The following TRAK1 variants were observed in gnomAD, a reference collection of about 807,000 sequenced individuals.
TRAK1 encodes the protein trafficking kinesin-binding protein 1.
A neutral mutation model predicts 92.1 loss-of-function variants in TRAK1; 33 were observed. That is an observed-to-expected ratio of 0.36 (90% CI 0.27 to 0.48). TRAK1 has a LOEUF of 0.48. Among genes scored for constraint, TRAK1 ranks in the 20% least tolerant of loss-of-function variants. The pLI, the probability that TRAK1 is intolerant of heterozygous loss-of-function variation, is 0.99. For synonymous variants in TRAK1, 521 were observed against 517.3 expected (o/e 1.01, Z -0.10); for missense variants, 1,123 against 1,257.9 (o/e 0.89, Z 1.62).
chr3:42,117,046 G>C (rs1229207371), intron 1 of TRAK1, among the ~76,000 whole-genome samples: 1 of 152,254 alleles, frequency 6.6e-6, no homozygotes, highest in East Asian at 1.9e-4. Context: ...CAGATCCCTG[G>C]TCTCTTGGGT....
chr3:42,194,285 C>A (rs1378670082), intron 9 of TRAK1, among the ~76,000 whole-genome samples: 1 of 152,188 alleles, frequency 6.6e-6, no homozygotes, highest in African/African-American at 2.4e-5. Flanking sequence ...CATTCTGTCA[C>A]CCAGGCTGGA....
At chr3:42,077,029 T>C (rs1432400062) in intron 1 of TRAK1, among the ~76,000 whole-genome samples, 1 of 152,258 alleles carries the variant, frequency 6.6e-6, no homozygotes, top group Admixed American at 6.5e-5. Flanking sequence ...TTTCAGTTAC[T>C]GTAGCCTTGT....
Position 42,199,235 on chromosome 3 carries a change from C to T in TRAK1, c.1172C>T (p.Ala391Val). 6.2e-7 allele frequency: 1 copy of T among 1,613,948 alleles called. No individual in the cohort carries two copies. Among genetic ancestry groups the T allele is most frequent in the Non-Finnish European group, 8.5e-7 (1 of 1,180,018 alleles). ...TMRKELQLEEAESPDITHQKR... is the reference protein window; with the variant it reads ...TMRKELQLEEVESPDITHQKR... ...CGCAAGGAGCTGCAGTTGGAAGAGG[C>T]CGAGTCTCCAGACATCACGTACGGC... Residue 391 changes from alanine (A) to valine (V), a missense_variant, in exon 11 of 16, where the codon GCC becomes GTC. By Grantham distance (64) the Ala-to-Val change is moderately conservative. Coordinates refer to ENST00000327628, the MANE Select transcript of TRAK1 (RefSeq NM_001042646.3).
At chr3:42,203,735 A>G in intron 13 of TRAK1, 1 of 978,338 alleles carries the variant, frequency 1.0e-6, no homozygotes, top group Non-Finnish European at 1.2e-6. Flanking sequence ...GTCCCCTCTA[A>G]GGAGCCTTCT....
chr3:42,215,707 A>G (rs1649514794), intron 14 of TRAK1, among the ~76,000 whole-genome samples: 2 of 152,240 alleles, frequency 1.3e-5, no homozygotes, highest in Admixed American at 1.3e-4. Context: ...CCAAAGGTGG[A>G]GTCCCTTTTC....
At chr3:42,201,790 G>A (rs1707599899) in intron 12 of TRAK1, among the ~76,000 whole-genome samples, 2 of 151,710 alleles carry the variant, frequency 1.3e-5, no homozygotes, top group African/African-American at 2.4e-5. Flanking sequence ...GGGCCAAGGT[G>A]CCCAGGACTG....
At chr3:42,118,823 A>T (rs1196883367) in intron 1 of TRAK1, among the ~76,000 whole-genome samples, 2 of 152,216 alleles carry the variant, frequency 1.3e-5, no homozygotes, top group Non-Finnish European at 2.9e-5. Context: ...TGTCATAAGA[A>T]TGGTAGGTAT....
chr3:42,036,301 G>C (rs1297845694), intron 1 of TRAK1, among the ~76,000 whole-genome samples: 1 of 152,208 alleles, frequency 6.6e-6, no homozygotes, highest in Non-Finnish European at 1.5e-5. Flanking sequence ...CTCAGCACTA[G>C]CAGTGCCTCA....
intron 1 of TRAK1, among the ~76,000 whole-genome samples, chr3:42,056,820 G>A (rs931690619): frequency 2.0e-5 from 3 of 152,032 alleles, no homozygotes; most frequent in South Asian, 2.1e-4. Flanking sequence ...TTTCTGCCCC[G>A]ATTGTAATAA....
chr3:42,014,781 C>A (rs1306766866), intron 1 of TRAK1, among the ~76,000 whole-genome samples: 1 of 150,412 alleles, frequency 6.6e-6, no homozygotes, highest in Non-Finnish European at 1.5e-5. Flanking sequence ...TGAGAGCCTT[C>A]AGAGTATTCG....
chr3:42,075,529 G>A (rs1049032505), intron 1 of TRAK1, among the ~76,000 whole-genome samples: 14 of 152,094 alleles, frequency 9.2e-5, no homozygotes, highest in Admixed American at 2.6e-4. Flanking sequence ...GCGTTGAATG[G>A]TAGTTCTATT....
At chr3:42,166,308 C>T (rs1701856501) in intron 2 of TRAK1, among the ~76,000 whole-genome samples, 1 of 152,078 alleles carries the variant, frequency 6.6e-6, no homozygotes, top group African/African-American at 2.4e-5. Context: ...AGGTGACATA[C>T]AGACAACTCT....
chr3:42,171,852 A>C (rs1360358228), intron 2 of TRAK1, among the ~76,000 whole-genome samples: 1 of 152,142 alleles, frequency 6.6e-6, no homozygotes, highest in Non-Finnish European at 1.5e-5. Context: ...TGGATGCTGG[A>C]AGATGGGTGC....
At chr3:42,185,702 G>A (rs1264897744) in intron 4 of TRAK1, among the ~76,000 whole-genome samples, 3 of 127,420 alleles carry the variant, frequency 2.4e-5, no homozygotes, top group Admixed American at 9.2e-5. Flanking sequence ...ATGGAATTTC[G>A]CTCTTGTCAT....
Position 42,066,458 on chromosome 3 carries a change from G to A in TRAK1, c.-518-20646G>A, listed in dbSNP as rs75726373. ...GAGAGAGAGAGAGCACCCAGCGTGG[G>A]AAGGCTGGGTGTGGACATCGACCCC... On this transcript the variant is annotated intron_variant, in intron 1 of 16. Coordinates refer to the TRAK1 transcript ENST00000487159. Among the ~76,000 whole-genome samples, 1,026 of 152,142 alleles carry A rather than the reference G, an allele frequency of 6.7e-3. 10 individuals are homozygous for A. Among genetic ancestry groups the A allele is most frequent in the African/African-American group, 0.023 (967 of 41,470 alleles).
chr3:42,205,336 A>T (rs1559384746), intron 13 of TRAK1, among the ~76,000 whole-genome samples: 1 of 152,082 alleles, frequency 6.6e-6, no homozygotes, highest in Non-Finnish European at 1.5e-5. Context: ...AGGTAAATGT[A>T]CCTGGGGTGA....
At chr3:42,193,255 C>T (rs773862561) in intron 8 of TRAK1, 50 bp downstream of exon 8, 69 of 1,602,222 alleles carry the variant, frequency 4.3e-5, no homozygotes, top group Admixed American at 2.9e-4. Flanking sequence ...CATGCTGAGA[C>T]GGGGAAGGGA....
chr3:42,082,429 T>C (rs1704480145), upstream of TRAK1, among the ~76,000 whole-genome samples: 1 of 119,608 alleles, frequency 8.4e-6, no homozygotes, highest in Non-Finnish European at 1.8e-5. Context: ...TGAAACCCCG[T>C]CTTTATCAAA....
intron 14 of TRAK1, chr3:42,217,843 C>G: frequency 1.0e-6 from 1 of 985,366 alleles, no homozygotes; most frequent in Non-Finnish European, 1.2e-6. Flanking sequence ...GCCTTCTCTT[C>G]ATAGCTTACT....
Sources: allele counts gnomAD v4.1 joint callset (sites outside exome capture counted in the v4.1 genomes callset), GRCh38; gene constraint gnomAD v4.1.1; transcripts MANE v1.5; gene names NCBI Gene and HGNC (gene_info 2026-07-23, HGNC 2026-07-21).